EPS15: variants seen among roughly 807,000 people sequenced by gnomAD.
EPS15 encodes the protein epidermal growth factor receptor pathway substrate 15, also known as epidermal growth factor receptor substrate 15.
A neutral mutation model predicts 113.8 loss-of-function variants in EPS15; 72 were observed. The observed-to-expected ratio is 0.63, with a 90% CI of 0.52 to 0.77. The LOEUF (loss-of-function observed/expected upper bound fraction) is 0.77, where lower values mean the gene tolerates loss of function less well. Among genes scored for constraint, EPS15 ranks in the 30% least tolerant of loss-of-function variants. The pLI, the probability that EPS15 is intolerant of heterozygous loss-of-function variation, is 0.00. For synonymous variants in EPS15, 344 were observed against 363.4 expected, an observed-to-expected ratio of 0.95 and a Z score of 0.61; for missense variants, 1,048 against 1,045.8, an observed-to-expected ratio of 1.00 and a Z score of -0.03.
intron 8 of EPS15, among the ~76,000 whole-genome samples, chr1:51,453,256 G>A (rs2148489854): frequency 6.6e-6 from 1 of 152,230 alleles, no homozygotes; most frequent in East Asian, 1.9e-4. Flanking sequence ...GACACTAGAA[G>A]CGAAAAAGCA....
At chr1:51,488,678 G>A (rs1644172072) in intron 1 of EPS15, among the ~76,000 whole-genome samples, 2 of 152,056 alleles carry the variant, frequency 1.3e-5, no homozygotes, top group Non-Finnish European at 2.9e-5. Flanking sequence ...TCAAACCTCT[G>A]AGCTTAAACA....
chr1:51,368,187 C>T (rs1217983908), intron 21 of EPS15, among the ~76,000 whole-genome samples: 1 of 152,046 alleles, frequency 6.6e-6, no homozygotes, highest in African/African-American at 2.4e-5. Flanking sequence ...ATTCTTAGAA[C>T]AAAAGTGTGC....
At chr1:51,461,730 T>C (rs1161146480) in intron 7 of EPS15, 1 of 152,098 alleles carries the variant, frequency 6.6e-6, no homozygotes, top group Non-Finnish European at 1.5e-5. Flanking sequence ...GGAGAAATAA[T>C]TAGTGGGAAA....
chr1:51,429,402 GACACTGAATTGT>G (rs1342072812), intron 12 of EPS15, among the ~76,000 whole-genome samples: 1 of 151,272 alleles, frequency 6.6e-6, no homozygotes, highest in Admixed American at 6.6e-5. Context: ...TACAATTAAT[GACACTGAATTGT>G]ACACTTTAAG....
chr1:51,416,046 T>G (rs1650192542), intron 13 of EPS15, among the ~76,000 whole-genome samples: 2 of 152,068 alleles, frequency 1.3e-5, no homozygotes, highest in African/African-American at 4.8e-5. Flanking sequence ...TGGTACAGAT[T>G]GCTTATCCTG....
intron 21 of EPS15, among the ~76,000 whole-genome samples, chr1:51,378,455 A>G (rs903965541): frequency 6.6e-6 from 1 of 152,068 alleles, no homozygotes; most frequent in African/African-American, 2.4e-5. Context: ...CCAGGAATTC[A>G]AGACCAGCCT....
rs183284837 is a variant in EPS15, at chr1:51,426,093, C to G, written c.1041-4235G>C. Among the ~76,000 whole-genome samples the G allele has an allele frequency of 1.7e-3, 259 of 152,078 alleles. 1 individual carries two copies. Among genetic ancestry groups the G allele is most frequent in the African/African-American group, 5.8e-3 (241 of 41,472 alleles). On this transcript the variant is annotated intron_variant, in intron 12 of 24. Transcript: ENST00000371733. ...TTGGAGAAAAATAGGTTACTAAATA[C>G]TAAATACAAACTCTGTCACAAGTCA... is the stretch of plus-strand genomic sequence containing the variant.
chr1:51,417,593 C>T (rs1157688546), intron 13 of EPS15, among the ~76,000 whole-genome samples: 1 of 152,178 alleles, frequency 6.6e-6, no homozygotes, highest in Non-Finnish European at 1.5e-5. Flanking sequence ...ACATATGGTT[C>T]ATGCCATATA....
At chr1:51,501,347 G>A (rs1187383265) in intron 1 of EPS15, among the ~76,000 whole-genome samples, 3 of 151,996 alleles carry the variant, frequency 2.0e-5, no homozygotes, top group Non-Finnish European at 4.4e-5. Flanking sequence ...GGTGGAGGTT[G>A]CAGTGAGCCG....
rs187276979 is a variant in EPS15, at chr1:51,451,778, C to T, written c.562-3643G>A. Among the ~76,000 whole-genome samples, 346 of 149,380 alleles carry T rather than the reference C, an allele frequency of 2.3e-3. 9 individuals are homozygous for T. Among genetic ancestry groups the T allele is most frequent in the African/African-American group, 8.7e-3 (337 of 38,846 alleles). Reference sequence around the variant, plus strand: ...GCATTCAAGGTACCTTCAACACTTTCAGAGCATGAAAGTTTTCCATAACTA... The same window carrying T: ...GCATTCAAGGTACCTTCAACACTTTTAGAGCATGAAAGTTTTCCATAACTA... On this transcript the variant is annotated intron_variant, in intron 8 of 24. Coordinates refer to ENST00000371733, the MANE Select transcript of EPS15 (RefSeq NM_001981.3).
intron 7 of EPS15, 85 bp from the exon 8 acceptor site, chr1:51,461,235 A>G: frequency 1.0e-6 from 1 of 1,000,796 alleles, no homozygotes; most frequent in Non-Finnish European, 1.6e-6. Context: ...TTTATGAGCT[A>G]GGAATGGTGG....
intron 8 of EPS15, among the ~76,000 whole-genome samples, chr1:51,457,073 C>T (rs1231540754): frequency 6.6e-6 from 1 of 152,154 alleles, no homozygotes; most frequent in East Asian, 1.9e-4. Flanking sequence ...ATCACGAGGT[C>T]AGGAGATCAA....
intron 15 of EPS15, among the ~76,000 whole-genome samples, chr1:51,406,353 G>A (rs1649128270): frequency 6.6e-6 from 1 of 152,130 alleles, no homozygotes; most frequent in African/African-American, 2.4e-5. Context: ...GAGTGCACCT[G>A]TAGTCCCAGC....
At chr1:51,493,224 G>C (rs888714928) in intron 1 of EPS15, among the ~76,000 whole-genome samples, 5 of 152,128 alleles carry the variant, frequency 3.3e-5, no homozygotes, top group Admixed American at 3.3e-4. Context: ...AGCCAGACGT[G>C]GTGGTGGGCG....
intron 20 of EPS15, among the ~76,000 whole-genome samples, chr1:51,396,742 A>G (rs72694181): frequency 0.019 from 2,933 of 152,328 alleles, 47 homozygotes; most frequent in Non-Finnish European, 0.031. Context: ...AGGGGCCACA[A>G]AACTCTATGT....
chr1:51,363,313 AAAG>A (rs1646432384), intron 23 of EPS15, among the ~76,000 whole-genome samples: 1 of 151,936 alleles, frequency 6.6e-6, no homozygotes, highest in African/African-American at 2.4e-5. Context: ...AAAAAAAAAA[AAAG>A]AGGAATATTT....
intron 1 of EPS15, among the ~76,000 whole-genome samples, chr1:51,484,824 A>G (rs1644090687): frequency 6.6e-6 from 1 of 152,234 alleles, no homozygotes; most frequent in African/African-American, 2.4e-5. Flanking sequence ...AGTGACCACA[A>G]GACACACTAG....
chr1:51,370,862 AC>A (rs1281273612), intron 21 of EPS15, among the ~76,000 whole-genome samples: 1 of 151,448 alleles, frequency 6.6e-6, no homozygotes, highest in Non-Finnish European at 1.5e-5. Flanking sequence ...CAGGTGATCC[AC>A]CCACCTCAGC....
chr1:51,404,346 C>A (rs1452412203), intron 16 of EPS15, among the ~76,000 whole-genome samples: 1 of 151,416 alleles, frequency 6.6e-6, no homozygotes, highest in Non-Finnish European at 1.5e-5. Flanking sequence ...CCACTGCACT[C>A]CAGCCTGGGC....
Sources: allele counts gnomAD v4.1 joint callset (sites outside exome capture counted in the v4.1 genomes callset), GRCh38; gene constraint gnomAD v4.1.1; transcripts MANE v1.5; gene names NCBI Gene and HGNC (gene_info 2026-07-23, HGNC 2026-07-21).